XXYLT1: variants seen among roughly 807,000 people sequenced by gnomAD.
XXYLT1 encodes UDP-xylose:alpha-xyloside alpha-1,3-xylosyltransferase.
Under a neutral mutation model 28.9 loss-of-function variants are expected in XXYLT1, and 20 were observed. That is an observed-to-expected ratio of 0.69 (90% CI 0.49 to 1.00). XXYLT1 has a LOEUF of 1.00. Among genes scored for constraint, XXYLT1 ranks in the 50% least tolerant of loss-of-function variants. XXYLT1 has a pLI of 0.00. For synonymous variants in XXYLT1, 257 were observed against 253.8 expected (o/e 1.01, Z -0.12); for missense variants, 542 against 560.1 (o/e 0.97, Z 0.33).
intron 3 of XXYLT1, among the ~76,000 whole-genome samples, chr3:195,155,345 G>A (rs1027156028): frequency 2.0e-5 from 3 of 152,180 alleles, no homozygotes; most frequent in Non-Finnish European, 2.9e-5. Context: ...GGTGTGCACT[G>A]AGAACAAAGA....
intron 2 of XXYLT1, among the ~76,000 whole-genome samples, chr3:195,189,195 G>C (rs916306211): frequency 6.6e-6 from 1 of 152,072 alleles, no homozygotes; most frequent in African/African-American, 2.4e-5. Context: ...GCAACCTCTA[G>C]GAATCCAGGG....
intron 2 of XXYLT1, among the ~76,000 whole-genome samples, chr3:195,178,342 T>A (rs1721777753): frequency 6.6e-6 from 1 of 152,192 alleles, no homozygotes; most frequent in African/African-American, 2.4e-5. Flanking sequence ...TCCTTTCTCC[T>A]TTCTCTTCCC....
intron 2 of XXYLT1, among the ~76,000 whole-genome samples, chr3:195,193,286 T>TAAA (rs57822506): frequency 0.022 from 2,492 of 110,934 alleles, 85 homozygotes; most frequent in African/African-American, 0.076. Context: ...AGACTCCGTC[T>TAAA]AAAAAAAAAA....
chr3:195,136,570 C>T (rs917131628), intron 3 of XXYLT1, among the ~76,000 whole-genome samples: 23 of 152,262 alleles, frequency 1.5e-4, no homozygotes, highest in African/African-American at 5.3e-4. Flanking sequence ...GTGTCTTCTA[C>T]AAAACAAGGA....
At chr3:195,206,841 C>G (rs1022484711) in intron 2 of XXYLT1, among the ~76,000 whole-genome samples, 1 of 151,994 alleles carries the variant, frequency 6.6e-6, no homozygotes, top group African/African-American at 2.4e-5. Flanking sequence ...GTATTTGCTT[C>G]TGGGGGAGAA....
chr3:195,090,923 C>CAAA (rs1205521049), intron 3 of XXYLT1, among the ~76,000 whole-genome samples: 53 of 151,830 alleles, frequency 3.5e-4, no homozygotes, highest in Middle Eastern at 3.4e-3. Flanking sequence ...ACTAGAAAAC[C>CAAA]TAGAAGAAAT....
intron 3 of XXYLT1, among the ~76,000 whole-genome samples, chr3:195,080,646 G>A (rs573218801): frequency 6.6e-6 from 1 of 152,362 alleles, no homozygotes; most frequent in African/African-American, 2.4e-5. Flanking sequence ...TGGCGCTGGA[G>A]GTCACAGGAG....
chr3:195,122,983 C>CT (rs966226261), intron 3 of XXYLT1, among the ~76,000 whole-genome samples: 54 of 152,278 alleles, frequency 3.5e-4, no homozygotes, highest in African/African-American at 1.3e-3. Context: ...GCTTGGTGAC[C>CT]TTGACAAAGT....
At chr3:195,070,997 A>C (rs1055646215) in intron 3 of XXYLT1, among the ~76,000 whole-genome samples, 4 of 152,196 alleles carry the variant, frequency 2.6e-5, no homozygotes, top group African/African-American at 9.7e-5. Context: ...GAGAAGAAAG[A>C]CCTAGACACC....
chr3:195,071,224 C>T (rs954365500), intron 3 of XXYLT1, among the ~76,000 whole-genome samples: 15 of 152,278 alleles, frequency 9.9e-5, no homozygotes, highest in African/African-American at 3.1e-4. Flanking sequence ...TGGGTCCTCA[C>T]GGGGAGGACA....
chr3:195,248,291 C>T (rs758515160), intron 1 of XXYLT1, among the ~76,000 whole-genome samples: 25 of 152,186 alleles, frequency 1.6e-4, no homozygotes, highest in Non-Finnish European at 5.9e-5. Flanking sequence ...AAGGAGTTGA[C>T]ATGGTTTGGC....
At chr3:195,117,030 C>G (rs1449009976) in intron 3 of XXYLT1, among the ~76,000 whole-genome samples, 1 of 151,858 alleles carries the variant, frequency 6.6e-6, no homozygotes, top group African/African-American at 2.4e-5. Context: ...GAAACAGGTG[C>G]CTTCATGTAC....
In XXYLT1 at chr3:195,124,328, G is replaced by A. The variant is rs761915079; in HGVS notation, c.785+32121C>T. 6.6e-6 allele frequency among the ~76,000 whole-genome samples: 1 copy of A among 152,218 alleles called. No individual in the cohort carries two copies. The highest frequency in any genetic ancestry group is 1.5e-5 in the Non-Finnish European group (1 of 68,040). On this transcript the variant is annotated intron_variant, in intron 3 of 3. Coordinates refer to ENST00000310380, the MANE Select transcript of XXYLT1 (RefSeq NM_152531.5). This position sits in a 1 kb window ranked among gnomAD's most constrained non-coding sequence, Gnocchi z 4.1. The stretch of plus-strand genomic sequence containing the variant: ...AATGACAAGGTTTTCTACAGGAACT[G>A]ACCAGATGGTTGGGGGCTGGACTGA...
At chr3:195,140,353 C>T (rs1353929685) in intron 3 of XXYLT1, among the ~76,000 whole-genome samples, 1 of 152,182 alleles carries the variant, frequency 6.6e-6, no homozygotes, top group Non-Finnish European at 1.5e-5. Context: ...ATACCAGCTC[C>T]GGAGGTGGCA....
At chr3:195,073,026 T>C (rs1180750523) in intron 3 of XXYLT1, among the ~76,000 whole-genome samples, 6 of 152,132 alleles carry the variant, frequency 3.9e-5, no homozygotes, top group Non-Finnish European at 8.8e-5. Flanking sequence ...TCTCACACTC[T>C]CCACCTCGGC....
chr3:195,226,636 C>T (rs1724062943), intron 2 of XXYLT1, 73 bp downstream of exon 2: 2 of 1,548,042 alleles, frequency 1.3e-6, no homozygotes, highest in African/African-American at 1.4e-5. Flanking sequence ...AGGGCCTGGG[C>T]AGTGTTGGAA....
At chr3:195,247,784 C>G (rs1725090469) in intron 1 of XXYLT1, 3 of 702,372 alleles carry the variant, frequency 4.3e-6, no homozygotes. Flanking sequence ...TTCTGCCTGG[C>G]TGGGGAGGCC....
chr3:195,139,058 TG>T (rs149830663), intron 3 of XXYLT1, among the ~76,000 whole-genome samples: 6,808 of 151,694 alleles, frequency 0.045, 518 homozygotes, highest in African/African-American at 0.15. Flanking sequence ...AGAGGAGAGG[TG>T]GGTGCAGGGA....
At chr3:195,121,510 C>T (rs1334912435) in intron 3 of XXYLT1, among the ~76,000 whole-genome samples, 1 of 152,204 alleles carries the variant, frequency 6.6e-6, no homozygotes, top group East Asian at 1.9e-4. Context: ...CCTCTGAAGG[C>T]TCCTCTTTGC....
Sources: gnomAD v4.1 joint callset for allele counts (sites outside exome capture counted in the v4.1 genomes callset) on GRCh38, gnomAD v4.1.1 for gene constraint, Gnocchi (gnomAD v3.1) non-coding constraint, MANE v1.5 for transcripts, NCBI Gene and HGNC (gene_info 2026-07-23, HGNC 2026-07-21) for gene names.